ALK: variants seen among roughly 807,000 people sequenced by gnomAD.
ALK encodes the protein ALK tyrosine kinase receptor.
A neutral mutation model predicts 163.1 loss-of-function variants in ALK; 74 were observed. The ratio of observed to expected loss-of-function variants is 0.45; its 90% CI spans 0.38 to 0.55. The LOEUF (loss-of-function observed/expected upper bound fraction) is 0.55. Among genes scored for constraint, ALK ranks in the 20% least tolerant of loss-of-function variants. The pLI, the probability that ALK is intolerant of heterozygous loss-of-function variation, is 0.00. For missense variants in ALK, 2,063 were observed against 2,105.3 expected (o/e 0.98, Z 0.39); for synonymous variants, 960 against 843.2 (o/e 1.14, Z -2.40).
At chr2:29,669,018 G>A (rs955255262) in intron 3 of ALK, among the ~76,000 whole-genome samples, 1 of 151,994 alleles carries the variant, frequency 6.6e-6, no homozygotes, top group African/African-American at 2.4e-5. Context: ...TGGGAATTAT[G>A]GGAGCTACAA....
chr2:29,411,712 C>T (rs1342773455), intron 4 of ALK, among the ~76,000 whole-genome samples: 1 of 152,214 alleles, frequency 6.6e-6, no homozygotes, highest in African/African-American at 2.4e-5. Flanking sequence ...GCCTCTTCTT[C>T]AGTTTTGCAT....
intron 8 of ALK, among the ~76,000 whole-genome samples, chr2:29,303,692 CT>C: frequency 6.6e-6 from 1 of 152,284 alleles, no homozygotes. Context: ...CCATGGAATA[CT>C]ACAGAGCCAT....
chr2:29,319,907 A>C (rs1666962248), intron 7 of ALK, among the ~76,000 whole-genome samples: 1 of 152,238 alleles, frequency 6.6e-6, no homozygotes, highest in Admixed American at 6.5e-5. Flanking sequence ...CATAGAAAGA[A>C]GGCAAATGAA....
chr2:29,272,894 A>G (rs924740240), intron 11 of ALK, among the ~76,000 whole-genome samples: 1 of 152,164 alleles, frequency 6.6e-6, no homozygotes, highest in African/African-American at 2.4e-5. Flanking sequence ...TCCTGGCCCT[A>G]CTGCCTTCCA....
intron 3 of ALK, among the ~76,000 whole-genome samples, chr2:29,532,941 ACTC>A (rs1673158949): frequency 6.6e-6 from 1 of 152,108 alleles, no homozygotes; most frequent in Non-Finnish European, 1.5e-5. Flanking sequence ...TTCTTAAACT[ACTC>A]CTGGCACTTC....
intron 5 of ALK, among the ~76,000 whole-genome samples, chr2:29,357,153 C>T (rs1282613529): frequency 1.3e-5 from 2 of 152,208 alleles, no homozygotes; most frequent in Non-Finnish European, 2.9e-5. Flanking sequence ...GGATGAGCTA[C>T]CACATGGGTT....
intron 3 of ALK, among the ~76,000 whole-genome samples, chr2:29,678,448 T>C (rs896515198): frequency 1.3e-5 from 2 of 151,736 alleles, no homozygotes; most frequent in Non-Finnish European, 3.0e-5. Context: ...TACTTTTTTT[T>C]CTCTGAGCAC....
intron 5 of ALK, among the ~76,000 whole-genome samples, chr2:29,378,431 C>A (rs917605614): frequency 2.6e-5 from 4 of 152,150 alleles, no homozygotes; most frequent in Admixed American, 2.0e-4. Flanking sequence ...TAGCTAAGAA[C>A]ATGGATTTTG....
At chr2:29,333,560 A>G (rs1667517888) in intron 5 of ALK, among the ~76,000 whole-genome samples, 1 of 152,214 alleles carries the variant, frequency 6.6e-6, no homozygotes. Context: ...CATATGCGTG[A>G]CAATTTTTCC....
chr2:29,583,030 C>CTTTTTTTTT (rs759185460), intron 3 of ALK, among the ~76,000 whole-genome samples: 8 of 83,358 alleles, frequency 9.6e-5, no homozygotes, highest in East Asian at 7.6e-4. Flanking sequence ...GCCTGGCTAA[C>CTTTTTTTTT]TTTTGTTTTT....
At position 29,793,517 on chromosome 2, in the gene ALK, G is replaced by A. The variant is rs185990597; in HGVS notation, c.668-75820C>T. Among the ~76,000 whole-genome samples the A allele has an allele frequency of 9.2e-5, 14 of 152,200 alleles. No individual in the cohort carries two copies. In the East Asian group the frequency reaches 2.3e-3, roughly 25 times the overall value. On this transcript the variant is annotated intron_variant, in intron 1 of 28. Coordinates refer to ENST00000389048, the MANE Select transcript of ALK (RefSeq NM_004304.5). ...CTTACTTTGCCCAGATCCATCAGAC[G>A]AATCACTATCTATGGCAGCTACAGC... is the stretch of plus-strand genomic sequence containing the variant.
At chr2:29,376,087 C>A (rs1384949436) in intron 5 of ALK, among the ~76,000 whole-genome samples, 1 of 151,980 alleles carries the variant, frequency 6.6e-6, no homozygotes, top group Non-Finnish European at 1.5e-5. Context: ...CCAAGATAAC[C>A]TCTCCTCCGT....
intron 3 of ALK, among the ~76,000 whole-genome samples, chr2:29,682,875 G>A (rs1678117701): frequency 6.6e-6 from 1 of 152,086 alleles, no homozygotes; most frequent in African/African-American, 2.4e-5. Context: ...AAAGAAGGAG[G>A]TTGCCAAATA....
intron 9 of ALK, among the ~76,000 whole-genome samples, chr2:29,280,342 G>C (rs561624354): frequency 2.0e-5 from 3 of 151,908 alleles, no homozygotes; most frequent in South Asian, 4.2e-4. Context: ...GGAGGTTATG[G>C]TATATGCCAG....
At chr2:29,739,911 C>A (rs111324631) in intron 1 of ALK, among the ~76,000 whole-genome samples, 1 of 152,044 alleles carries the variant, frequency 6.6e-6, no homozygotes. Flanking sequence ...ATCATGTGTG[C>A]CAGGCACTAA....
chr2:29,213,760 G>C (rs1351436691), intron 24 of ALK, among the ~76,000 whole-genome samples: 4 of 152,096 alleles, frequency 2.6e-5, no homozygotes, highest in South Asian at 2.1e-4. Context: ...AAGGTGGGAG[G>C]ATTACTGGAG....
At chr2:29,347,742 CAGCTGCCG>C (rs1667992983) in intron 5 of ALK, among the ~76,000 whole-genome samples, 1 of 152,170 alleles carries the variant, frequency 6.6e-6, no homozygotes, top group Non-Finnish European at 1.5e-5. Context: ...AGTAAATAAG[CAGCTGCCG>C]ATCTAGCTCT....
intron 1 of ALK, among the ~76,000 whole-genome samples, chr2:29,722,018 G>A (rs148863735): frequency 1.4e-4 from 21 of 152,306 alleles, no homozygotes; most frequent in East Asian, 1.9e-4. Flanking sequence ...CTAGGTCTTT[G>A]TTTCACTGGA....
intron 4 of ALK, among the ~76,000 whole-genome samples, chr2:29,423,225 G>A (rs1029360224): frequency 3.9e-5 from 6 of 152,172 alleles, no homozygotes; most frequent in African/African-American, 1.4e-4. Flanking sequence ...ATGAGGAAGA[G>A]GAGGAGAAAC....
Sources: gnomAD v4.1 joint callset for allele counts (sites outside exome capture counted in the v4.1 genomes callset) on GRCh38, gnomAD v4.1.1 for gene constraint, MANE v1.5 for transcripts, NCBI Gene and HGNC (gene_info 2026-07-23, HGNC 2026-07-21) for gene names.